Variants in CDC73 observed in about 807,000 individuals in gnomAD.
CDC73 encodes parafibromin.
A neutral mutation model predicts 83.7 loss-of-function variants in CDC73; 21 were observed. The ratio of observed to expected loss-of-function variants is 0.25; its 90% CI spans 0.18 to 0.36. The LOEUF is 0.36. CDC73 is among the 10% of genes least tolerant of loss of function. CDC73 has a pLI of 1.00. For missense variants in CDC73, 342 were observed against 653.3 expected (o/e 0.52, Z 5.19); for synonymous variants, 224 against 212.9 (o/e 1.05, Z -0.45).
intron 7 of CDC73, among the ~76,000 whole-genome samples, chr1:193,146,424 C>T (rs1676001465): frequency 6.6e-6 from 1 of 151,884 alleles, no homozygotes; most frequent in Non-Finnish European, 1.5e-5. Flanking sequence ...CTGGGAAATC[C>T]AAGAGCATAG....
intron 10 of CDC73, among the ~76,000 whole-genome samples, chr1:193,167,676 A>G (rs566436992): frequency 1.3e-5 from 2 of 152,218 alleles, no homozygotes; most frequent in South Asian, 4.1e-4. Context: ...TAATTTTTGT[A>G]AAGAAATTTT....
rs1677457696 is a variant in CDC73, at chr1:193,220,861, TATAAC to T, written c.1154+8386_1154+8390del. On this transcript the variant is annotated intron_variant, in intron 13 of 16. Coordinates refer to ENST00000367435, the MANE Select transcript of CDC73 (RefSeq NM_024529.5). ...TTGGTCCTTGAAATAGATATGATAA[TATAAC>T]AGAAACTGTCAGACTCACAGAAATG... is the stretch of plus-strand genomic sequence containing the variant. 2.0e-5 allele frequency among the ~76,000 whole-genome samples: 3 copies of T among 152,192 alleles called. No homozygotes were observed. The South Asian group carries it at 6.2e-4, about 31-fold the overall frequency.
At chr1:193,169,296 G>T (rs1045647804) in intron 10 of CDC73, among the ~76,000 whole-genome samples, 6 of 152,214 alleles carry the variant, frequency 3.9e-5, no homozygotes, top group African/African-American at 9.7e-5. Flanking sequence ...TGTAATCCTA[G>T]CACTTGGGGA....
At chr1:193,238,232 C>T (rs1203538586) in intron 15 of CDC73, among the ~76,000 whole-genome samples, 4 of 152,118 alleles carry the variant, frequency 2.6e-5, no homozygotes, top group South Asian at 4.1e-4. Context: ...TTTTTCTCAG[C>T]GTTTAAGAAT....
In CDC73 at chr1:193,193,741, A is replaced by C. The variant is rs556163754; in HGVS notation, c.973-10054A>C. Among the ~76,000 whole-genome samples the C allele has an allele frequency of 9.3e-5, 14 of 150,494 alleles. No individual in the cohort carries two copies. The East Asian group carries it at 2.7e-3, about 29-fold the overall frequency. ...CACAGAATTTATTACTGTCTCCAGA[A>C]TTTATAACGTTCCAGAACATTTCAG... On this transcript the variant is annotated intron_variant, in intron 10 of 16. Transcript: ENST00000367435.
intron 3 of CDC73, among the ~76,000 whole-genome samples, chr1:193,132,124 TCTTA>T (rs1226491114): frequency 6.6e-6 from 1 of 152,328 alleles, no homozygotes; most frequent in East Asian, 1.9e-4. Flanking sequence ...AACTATTGGG[TCTTA>T]CTTTGCTGAG....
intron 11 of CDC73, among the ~76,000 whole-genome samples, chr1:193,204,915 T>C (rs980795343): frequency 2.0e-5 from 3 of 152,218 alleles, no homozygotes; most frequent in Admixed American, 2.0e-4. Context: ...TTTAATAGAA[T>C]CATATTCAGC....
At chr1:193,190,797 T>A (rs1192306813) in intron 10 of CDC73, among the ~76,000 whole-genome samples, 1 of 152,244 alleles carries the variant, frequency 6.6e-6, no homozygotes, top group Non-Finnish European at 1.5e-5. Context: ...GAGGCACAGC[T>A]GTTTCAGTCA....
chr1:193,195,940 C>A (rs533696929), intron 10 of CDC73, among the ~76,000 whole-genome samples: 1 of 152,064 alleles, frequency 6.6e-6, no homozygotes, highest in African/African-American at 2.4e-5. Flanking sequence ...TATTTTTTCC[C>A]TTCCTGTAGG....
At chr1:193,145,612 AT>A (rs2103129062) in intron 7 of CDC73, among the ~76,000 whole-genome samples, 1 of 152,218 alleles carries the variant, frequency 6.6e-6, no homozygotes, top group Admixed American at 6.5e-5. Flanking sequence ...AAGAATTTAA[AT>A]TTTTTTCAAT....
chr1:193,138,246 A>T, intron 6 of CDC73, 73 bp downstream of exon 6: 1 of 995,524 alleles, frequency 1.0e-6, no homozygotes, highest in African/African-American at 1.6e-5. Context: ...GAATATTAAA[A>T]TGCTCTCCAC....
At chr1:193,189,943 G>T (rs1296589378) in intron 10 of CDC73, among the ~76,000 whole-genome samples, 1 of 152,152 alleles carries the variant, frequency 6.6e-6, no homozygotes, top group Non-Finnish European at 1.5e-5. Flanking sequence ...GAAAGGTAGG[G>T]GGAGAGCACT....
At chr1:193,224,690 A>T (rs1052807935) in intron 13 of CDC73, among the ~76,000 whole-genome samples, 1 of 152,216 alleles carries the variant, frequency 6.6e-6, no homozygotes, top group African/African-American at 2.4e-5. Context: ...ATATATGTAC[A>T]TATATGAGTA....
At chr1:193,200,540 G>A (rs991966155) in intron 10 of CDC73, among the ~76,000 whole-genome samples, 2 of 152,104 alleles carry the variant, frequency 1.3e-5, no homozygotes, top group African/African-American at 2.4e-5. Context: ...TTTCTAGAAT[G>A]CCTCAAGTCT....
At position 193,163,816 on chromosome 1, in the gene CDC73, T is replaced by C. The variant is rs1044582895; in HGVS notation, c.972+11372T>C. On this transcript the variant is annotated intron_variant, in intron 10 of 16. Transcript: ENST00000367435. ...TTTTTGAGATGGAGTCTCACTCTTG[T>C]CACCCAGGCTGGAGTGCAGTGGCGT... Among the ~76,000 whole-genome samples, 32 of 152,282 alleles carry C rather than the reference T, an allele frequency of 2.1e-4. No homozygotes were observed. In the Middle Eastern group the frequency reaches 0.014, roughly 65 times the overall value.
At chr1:193,164,529 T>A (rs1394814670) in intron 10 of CDC73, among the ~76,000 whole-genome samples, 2 of 152,196 alleles carry the variant, frequency 1.3e-5, no homozygotes, top group Non-Finnish European at 2.9e-5. Flanking sequence ...GCACATAACA[T>A]GTTCTCTGTG....
rs1678030653 is a variant in CDC73 at position 193,250,675 on chromosome 1, G to T, written c.1560-1G>T. Reference sequence around the variant, plus strand: ...ATAACCTACCATAATATTTTTTTCAGGTACATGGTAAAGCATAAATCGCAC... The same window carrying T: ...ATAACCTACCATAATATTTTTTTCATGTACATGGTAAAGCATAAATCGCAC... On this transcript the variant is annotated splice_acceptor_variant, in intron 16 of 16. Coordinates refer to ENST00000367435, the MANE Select transcript of CDC73 (RefSeq NM_024529.5). LOFTEE classifies it high-confidence loss of function. The T allele has an allele frequency of 6.2e-7, 1 of 1,604,492 alleles. No homozygotes were observed.
intron 7 of CDC73, among the ~76,000 whole-genome samples, chr1:193,143,500 A>T (rs1363219658): frequency 2.0e-5 from 3 of 152,226 alleles, no homozygotes; most frequent in Non-Finnish European, 4.4e-5. Context: ...AGGTGGCAGG[A>T]TTGTACCATC....
chr1:193,185,864 A>G (rs1448765515), intron 10 of CDC73, among the ~76,000 whole-genome samples: 1 of 152,200 alleles, frequency 6.6e-6, no homozygotes. Flanking sequence ...CTTGTCTTCT[A>G]AACAATGACA....
Sources: gnomAD v4.1 joint callset for allele counts (sites outside exome capture counted in the v4.1 genomes callset) on GRCh38, gnomAD v4.1.1 for gene constraint, MANE v1.5 for transcripts, NCBI Gene and HGNC (gene_info 2026-07-23, HGNC 2026-07-21) for gene names.